The following CAMK1D variants were observed in gnomAD, a reference collection of about 807,000 sequenced individuals.
CAMK1D encodes calcium/calmodulin dependent protein kinase ID, also known as calcium/calmodulin-dependent protein kinase type 1D.
A neutral mutation model predicts 47.7 loss-of-function variants in CAMK1D; 9 were observed. The observed-to-expected ratio is 0.19, with a 90% CI of 0.11 to 0.33. The LOEUF is 0.33. Among genes scored for constraint, CAMK1D ranks in the 10% least tolerant of loss-of-function variants. The probability of loss-of-function intolerance (pLI) is 1.00; values close to 1 mark genes in which losing one functional copy is unlikely to be tolerated. For synonymous variants in CAMK1D, 184 were observed against 184.9 expected, an observed-to-expected ratio of 0.99 and a Z score of 0.04; for missense variants, 291 against 488.7, an observed-to-expected ratio of 0.60 and a Z score of 3.81.
intron 3 of CAMK1D, among the ~76,000 whole-genome samples, chr10:12,678,186 A>C (rs896151230): frequency 6.6e-6 from 1 of 151,958 alleles, no homozygotes; most frequent in African/African-American, 2.4e-5. Context: ...CATTCCATAC[A>C]TTTTGGTATG....
chr10:12,465,199 G>A (rs2815609), intron 1 of CAMK1D, among the ~76,000 whole-genome samples: 2,747 of 152,246 alleles, frequency 0.018, 80 homozygotes, highest in African/African-American at 0.062. Flanking sequence ...TAAAAGTCCT[G>A]TTCATCTGGG....
At chr10:12,449,669 A>C (rs912459626) in intron 1 of CAMK1D, among the ~76,000 whole-genome samples, 10 of 150,792 alleles carry the variant, frequency 6.6e-5, no homozygotes, top group Admixed American at 6.0e-4. Context: ...CTAAATATAT[A>C]CCATTTTTAT....
At chr10:12,797,141 G>GA (rs1446154531) in intron 6 of CAMK1D, among the ~76,000 whole-genome samples, 1 of 151,954 alleles carries the variant, frequency 6.6e-6, no homozygotes, top group East Asian at 1.9e-4. Context: ...TCCATAGAAG[G>GA]ATGATTCCGC....
At chr10:12,485,650 C>T (rs1413618932) in intron 1 of CAMK1D, among the ~76,000 whole-genome samples, 2 of 152,114 alleles carry the variant, frequency 1.3e-5, no homozygotes, top group Non-Finnish European at 2.9e-5. Context: ...TGCCACACCG[C>T]TCAAAACTCT....
At chr10:12,823,964 A>G (rs1564590430) in intron 8 of CAMK1D, among the ~76,000 whole-genome samples, 2 of 151,918 alleles carry the variant, frequency 1.3e-5, no homozygotes, top group Non-Finnish European at 2.9e-5. Flanking sequence ...CCCCTGGGGA[A>G]GACAGAGAGG....
At chr10:12,664,986 C>T (rs1840383180) in intron 2 of CAMK1D, among the ~76,000 whole-genome samples, 1 of 152,156 alleles carries the variant, frequency 6.6e-6, no homozygotes, top group Non-Finnish European at 1.5e-5. Flanking sequence ...TTTTTGTGGG[C>T]ATATTCTTTT....
intron 1 of CAMK1D, among the ~76,000 whole-genome samples, chr10:12,371,519 T>C (rs1164253601): frequency 6.9e-6 from 1 of 144,370 alleles, no homozygotes; most frequent in Non-Finnish European, 1.5e-5. Context: ...GAGGTTGCAG[T>C]GAGCCGAGAT....
chr10:12,371,141 G>C, intron 1 of CAMK1D, among the ~76,000 whole-genome samples: 1 of 152,062 alleles, frequency 6.6e-6, no homozygotes, highest in South Asian at 2.1e-4. Context: ...TATGTATAAA[G>C]TCTACAGTAG....
At chr10:12,557,021 C>T (rs1029007210) in intron 2 of CAMK1D, among the ~76,000 whole-genome samples, 4 of 152,058 alleles carry the variant, frequency 2.6e-5, no homozygotes, top group Admixed American at 6.6e-5. Flanking sequence ...GGGAGGGAGA[C>T]GGAGGATTCC....
intron 1 of CAMK1D, among the ~76,000 whole-genome samples, chr10:12,538,098 CTG>C (rs1274012601): frequency 6.6e-6 from 1 of 152,194 alleles, no homozygotes; most frequent in Non-Finnish European, 1.5e-5. Context: ...GTTCTGCGCA[CTG>C]TGAGGCCCGT....
intron 1 of CAMK1D, among the ~76,000 whole-genome samples, chr10:12,487,675 T>C (rs1039820753): frequency 4.6e-5 from 7 of 152,226 alleles, no homozygotes; most frequent in Admixed American, 4.6e-4. Context: ...AATCACTTCT[T>C]GTGGATCCTA....
In CAMK1D at chr10:12,399,138, T is replaced by G. The variant is rs114764497; in HGVS notation, c.92+49228T>G. Among the ~76,000 whole-genome samples, 638 of 152,304 alleles carry G rather than the reference T, an allele frequency of 4.2e-3. 3 individuals carry two copies. Among genetic ancestry groups the G allele is most frequent in the African/African-American group, 0.014 (601 of 41,572 alleles). On this transcript the variant is annotated intron_variant, in intron 1 of 10. Transcript: ENST00000619168. ...GGGTGAAGGTGGTATGGGAGTGCTC[T>G]CAAACCATGGTCTCCTTGAGGCTTA... is the stretch of plus-strand genomic sequence containing the variant.
rs576542275 is a variant in CAMK1D at position 12,729,274 on chromosome 10, A to G, written c.300-31674A>G. 5.9e-5 allele frequency among the ~76,000 whole-genome samples: 9 copies of G among 152,346 alleles called. No individual in the cohort carries two copies. In the South Asian group the frequency reaches 1.4e-3, roughly 25 times the overall value. On this transcript the variant is annotated intron_variant, in intron 3 of 10. Transcript: ENST00000619168. ...CCACCTCCATGGAGCAGGGAGAGGT[A>G]GTACCAATAAACATAATAAATAAGC... is the stretch of plus-strand genomic sequence containing the variant.
At chr10:12,393,401 C>T (rs1312179588) in intron 1 of CAMK1D, among the ~76,000 whole-genome samples, 1 of 152,110 alleles carries the variant, frequency 6.6e-6, no homozygotes, top group Non-Finnish European at 1.5e-5. Context: ...GCTAGGCTCT[C>T]TGAGAGAGGC....
At chr10:12,632,570 G>A (rs1308133161) in intron 2 of CAMK1D, among the ~76,000 whole-genome samples, 1 of 152,204 alleles carries the variant, frequency 6.6e-6, no homozygotes, top group Admixed American at 6.5e-5. Flanking sequence ...CCTTACAGAA[G>A]CCTGGGGTAA....
intron 3 of CAMK1D, among the ~76,000 whole-genome samples, chr10:12,746,180 C>CGGTGAAGATCATCCTGGCTAACAT (rs533025181): frequency 6.6e-6 from 1 of 151,878 alleles, no homozygotes; most frequent in African/African-American, 2.4e-5. Context: ...CTGGCTAACA[C>CGGTGAAGATCATCCTGGCTAACAT]GGTGAAACCC....
chr10:12,387,395 T>TAA (rs1176895820), intron 1 of CAMK1D, among the ~76,000 whole-genome samples: 3 of 44,968 alleles, frequency 6.7e-5, no homozygotes. Context: ...ATATATTATA[T>TAA]ATTTTTATAT....
intron 3 of CAMK1D, among the ~76,000 whole-genome samples, chr10:12,750,360 A>G (rs1012043826): frequency 6.6e-6 from 1 of 152,156 alleles, no homozygotes; most frequent in African/African-American, 2.4e-5. Context: ...GTTTTCTGGC[A>G]TGATTTTTGA....
chr10:12,611,098 C>T (rs553097200), intron 2 of CAMK1D, among the ~76,000 whole-genome samples: 180 of 152,284 alleles, frequency 1.2e-3, no homozygotes, highest in Middle Eastern at 3.4e-3. Flanking sequence ...TCCAAGGTCA[C>T]ATAAGAGAGT....
Sources: allele counts gnomAD v4.1 joint callset (sites outside exome capture counted in the v4.1 genomes callset), GRCh38; gene constraint gnomAD v4.1.1; transcripts MANE v1.5; gene names NCBI Gene and HGNC (gene_info 2026-07-23, HGNC 2026-07-21).